Variants in RBFOX1 observed in about 807,000 individuals in gnomAD.
The protein encoded by RBFOX1 is RNA binding protein fox-1 homolog 1.
Under a neutral mutation model 57.7 loss-of-function variants are expected in RBFOX1, and 8 were observed. That is an observed-to-expected ratio of 0.14 (90% CI 0.08 to 0.25). RBFOX1 has a LOEUF of 0.25. RBFOX1 is among the 10% of genes least tolerant of loss of function. RBFOX1 has a pLI of 1.00. For missense variants in RBFOX1, 611 were observed against 548.5 expected (o/e 1.11, Z -1.14); for synonymous variants, 326 against 222.4 (o/e 1.47, Z -4.15).
At chr16:6,507,801 G>C (rs919106101) in intron 2 of RBFOX1, among the ~76,000 whole-genome samples, 1 of 152,096 alleles carries the variant, frequency 6.6e-6, no homozygotes, top group South Asian at 2.1e-4. Context: ...TAGAGTGGTG[G>C]TTAGCCAGGG....
chr16:5,769,814 C>G (rs146852295), intron 3 of RBFOX1, among the ~76,000 whole-genome samples: 2 of 152,314 alleles, frequency 1.3e-5, no homozygotes, highest in Admixed American at 6.5e-5. Flanking sequence ...TTTTGGACTT[C>G]TGGCCTCCCA....
chr16:6,712,135 A>G (rs2063816826), intron 3 of RBFOX1, among the ~76,000 whole-genome samples: 2 of 152,196 alleles, frequency 1.3e-5, no homozygotes, highest in South Asian at 4.1e-4. Flanking sequence ...TATTGAATGA[A>G]TGAATGATGG....
At chr16:5,571,714 C>A (rs2046290380) in intron 2 of RBFOX1, among the ~76,000 whole-genome samples, 1 of 152,200 alleles carries the variant, frequency 6.6e-6, no homozygotes, top group Admixed American at 6.5e-5. Context: ...AGCTGACTGA[C>A]AACCACCTCC....
chr16:6,692,468 AC>A (rs536514906), intron 3 of RBFOX1, among the ~76,000 whole-genome samples: 117 of 152,284 alleles, frequency 7.7e-4, no homozygotes, highest in Middle Eastern at 3.4e-3. Flanking sequence ...GAAATGTTTA[AC>A]TACTTTCCGT....
intron 4 of RBFOX1, among the ~76,000 whole-genome samples, chr16:7,310,107 A>C (rs570651380): frequency 1.3e-5 from 2 of 152,196 alleles, no homozygotes; most frequent in Admixed American, 1.3e-4. Context: ...TCTCAGGCAC[A>C]ATGGCCCAGA....
At chr16:7,456,971 A>C (rs964134751) in intron 4 of RBFOX1, among the ~76,000 whole-genome samples, 14 of 151,924 alleles carry the variant, frequency 9.2e-5, no homozygotes, top group East Asian at 1.9e-4. Context: ...GCTCACTGCA[A>C]CCTCTGCCTC....
intron 4 of RBFOX1, among the ~76,000 whole-genome samples, chr16:7,425,251 C>T (rs2098599123): frequency 6.6e-6 from 1 of 152,192 alleles, no homozygotes; most frequent in Non-Finnish European, 1.5e-5. Flanking sequence ...GGATTTACAA[C>T]ACACTGAATG....
intron 2 of RBFOX1, among the ~76,000 whole-genome samples, chr16:6,399,237 T>G (rs1340127328): frequency 6.6e-6 from 1 of 152,220 alleles, no homozygotes; most frequent in Non-Finnish European, 1.5e-5. Context: ...GAAACCACTT[T>G]TCCCTCCTAG....
intron 3 of RBFOX1, among the ~76,000 whole-genome samples, chr16:6,726,713 C>G (rs1404214685): frequency 1.3e-5 from 2 of 152,152 alleles, no homozygotes; most frequent in Non-Finnish European, 2.9e-5. Context: ...TGTGCGTTTT[C>G]TCTTCCTTCT....
intron 3 of RBFOX1, among the ~76,000 whole-genome samples, chr16:5,863,948 G>T (rs1432790762): frequency 6.6e-6 from 1 of 152,110 alleles, no homozygotes. Context: ...ACATATTGCA[G>T]GTTACAAAGG....
At chr16:6,234,342 T>C (rs1410744257) in intron 1 of RBFOX1, among the ~76,000 whole-genome samples, 1 of 152,214 alleles carries the variant, frequency 6.6e-6, no homozygotes, top group Non-Finnish European at 1.5e-5. Context: ...CAGTTGTAAA[T>C]TTACATTTGT....
At chr16:7,475,249 A>C (rs375509576) in intron 4 of RBFOX1, among the ~76,000 whole-genome samples, 4 of 151,828 alleles carry the variant, frequency 2.6e-5, no homozygotes, top group African/African-American at 7.2e-5. Context: ...TCTGTTTTCA[A>C]CACTCCTTCA....
rs935284723 is a variant in RBFOX1 at position 6,781,513 on chromosome 16, C to A, written c.-16+126863C>A. On this transcript the variant is annotated intron_variant, in intron 3 of 15. Coordinates refer to ENST00000550418, the MANE Select transcript of RBFOX1 (RefSeq NM_018723.4). ...TTGAATAGAATTGGTATTAAGTCTT[C>A]CTTAAATATTTGGTAGAATTCAACA... is the stretch of plus-strand genomic sequence containing the variant. Among the ~76,000 whole-genome samples, 16 of 151,678 alleles carry A rather than the reference C, an allele frequency of 1.1e-4. 1 individual carries two copies. The Middle Eastern group carries it at 0.014, about 129-fold the overall frequency.
At chr16:7,271,714 G>T (rs1037351164) in intron 4 of RBFOX1, among the ~76,000 whole-genome samples, 3 of 152,082 alleles carry the variant, frequency 2.0e-5, no homozygotes, top group African/African-American at 7.2e-5. Context: ...ATATTTCATG[G>T]GGGTCAGCAT....
At chr16:7,604,696 CTG>C (rs547520575) in intron 9 of RBFOX1, among the ~76,000 whole-genome samples, 150 of 152,206 alleles carry the variant, frequency 9.9e-4, no homozygotes, top group African/African-American at 3.5e-3. Flanking sequence ...TCAAATGCCT[CTG>C]AGAGATCTGG....
chr16:6,339,702 G>T (rs2534755), intron 2 of RBFOX1, among the ~76,000 whole-genome samples: 2 of 151,358 alleles, frequency 1.3e-5, no homozygotes, highest in Non-Finnish European at 2.9e-5. Context: ...AGAGAGTCTC[G>T]CTCTGTCACC....
chr16:6,463,374 A>G (rs117777715), intron 2 of RBFOX1, among the ~76,000 whole-genome samples: 2,218 of 152,322 alleles, frequency 0.015, 19 homozygotes, highest in Non-Finnish European at 0.024. Flanking sequence ...TGTGTATTAA[A>G]GAGTTTTGCC....
At chr16:5,337,002 A>G (rs75346994) in intron 1 of RBFOX1, among the ~76,000 whole-genome samples, 1 of 152,154 alleles carries the variant, frequency 6.6e-6, no homozygotes, top group Non-Finnish European at 1.5e-5. Flanking sequence ...GGTGCCAATT[A>G]ATTGCTTTCC....
chr16:5,832,539 C>G (rs915545276), intron 3 of RBFOX1, among the ~76,000 whole-genome samples: 1 of 152,166 alleles, frequency 6.6e-6, no homozygotes, highest in Admixed American at 6.5e-5. Flanking sequence ...TAGTTCACAG[C>G]CTGGCATGTA....
Sources: allele counts gnomAD v4.1 joint callset (sites outside exome capture counted in the v4.1 genomes callset), GRCh38; gene constraint gnomAD v4.1.1; transcripts MANE v1.5; gene names NCBI Gene and HGNC (gene_info 2026-07-23, HGNC 2026-07-21).